The following C1orf21 variants were observed in gnomAD, a reference collection of about 807,000 sequenced individuals.
The protein encoded by C1orf21 is chromosome 1 open reading frame 21.
Under a neutral mutation model 18.7 loss-of-function variants are expected in C1orf21, and 3 were observed. The observed-to-expected ratio is 0.16, with a 90% CI of 0.07 to 0.42. The LOEUF is 0.42. C1orf21 is among the 10% of genes least tolerant of loss of function. The probability of loss-of-function intolerance (pLI) is 0.99; values close to 1 mark genes in which losing one functional copy is unlikely to be tolerated. For synonymous variants in C1orf21, 41 were observed against 46.4 expected (o/e 0.88, Z 0.47); for missense variants, 104 against 143.6 (o/e 0.72, Z 1.41).
rs185281148 is a variant in C1orf21 at position 184,541,371 on chromosome 1, A to G, written c.189+33689A>G. Among the ~76,000 whole-genome samples, 365 of 152,334 alleles carry G rather than the reference A, an allele frequency of 2.4e-3. 3 individuals carry two copies. Among genetic ancestry groups the G allele is most frequent in the African/African-American group, 7.3e-3 (304 of 41,570 alleles). On this transcript the variant is annotated intron_variant, in intron 3 of 5. Coordinates refer to ENST00000235307, the MANE Select transcript of C1orf21 (RefSeq NM_030806.4). ...ATAATGACTTTGAGCACCATCCTCA[A>G]TGATCATACTTTCTTGTCATCATTA...
chr1:184,564,872 A>G (rs922930690), intron 3 of C1orf21, among the ~76,000 whole-genome samples: 1 of 152,208 alleles, frequency 6.6e-6, no homozygotes, highest in Non-Finnish European at 1.5e-5. Flanking sequence ...CACACAGTCC[A>G]GAATTAGAAG....
intron 1 of C1orf21, among the ~76,000 whole-genome samples, chr1:184,464,180 G>A (rs893411394): frequency 2.0e-5 from 3 of 152,188 alleles, no homozygotes; most frequent in African/African-American, 7.2e-5. Flanking sequence ...TATTTATTGA[G>A]CACATGTTCT....
At chr1:184,410,633 A>AATATATATATAT (rs1557964961) in intron 1 of C1orf21, among the ~76,000 whole-genome samples, 37 of 3,212 alleles carry the variant, frequency 0.012, 4 homozygotes, top group African/African-American at 0.038. Context: ...ATATATATAT[A>AATATATATATAT]TATATATATA....
chr1:184,493,603 G>A (rs777542560), intron 2 of C1orf21, among the ~76,000 whole-genome samples: 16 of 152,134 alleles, frequency 1.1e-4, no homozygotes, highest in Non-Finnish European at 2.1e-4. Flanking sequence ...TGTTGATTTT[G>A]ATCTATAACC....
chr1:184,568,490 G>A (rs1362990977), intron 3 of C1orf21: 5 of 467,344 alleles, frequency 1.1e-5, no homozygotes, highest in African/African-American at 2.0e-5. Context: ...GATACTGTGA[G>A]TATTATAAGG....
At chr1:184,420,991 T>C (rs773620937) in intron 1 of C1orf21, among the ~76,000 whole-genome samples, 1 of 152,212 alleles carries the variant, frequency 6.6e-6, no homozygotes, top group African/African-American at 2.4e-5. Flanking sequence ...TCTATGTGAC[T>C]GGGCTGAAAG....
chr1:184,559,533 T>TCCTTCCTTCCTTCCCC (rs1658928355), intron 3 of C1orf21, among the ~76,000 whole-genome samples: 1 of 95,328 alleles, frequency 1.0e-5, no homozygotes, highest in African/African-American at 4.7e-5. Context: ...CTTCCTTCCT[T>TCCTTCCTTCCTTCCCC]CCTTCCTTCC....
At chr1:184,494,548 G>A (rs1023393614) in intron 2 of C1orf21, among the ~76,000 whole-genome samples, 1 of 152,072 alleles carries the variant, frequency 6.6e-6, no homozygotes, top group Non-Finnish European at 1.5e-5. Flanking sequence ...ATGAGATATG[G>A]GCGGGCTTGG....
Position 184,590,808 on chromosome 1 carries a change from A to C in C1orf21, c.259A>C (p.Arg87=). 6.2e-7 allele frequency: 1 copy of C among 1,613,536 alleles called. No homozygotes were observed. Among genetic ancestry groups the C allele is most frequent in the Non-Finnish European group, 8.5e-7 (1 of 1,179,488 alleles). ...KEVPGLVHQP[R]ANMHISESQQ... ...GGTTCCGGGATTAGTTCATCAACCC[A>C]GAGCAAAGTAAGTTCTAGTTTCTGT... The change falls in exon 4 of 6, where the codon AGA becomes CGA. Residue 87 remains arginine, a synonymous_variant. Transcript: ENST00000235307.
intron 3 of C1orf21, among the ~76,000 whole-genome samples, chr1:184,511,305 C>T (rs1162580029): frequency 1.3e-5 from 2 of 152,142 alleles, no homozygotes; most frequent in Non-Finnish European, 2.9e-5. Flanking sequence ...GTCAGATTAT[C>T]TGGGAGACAA....
At chr1:184,559,568 CCCCT>C (rs1262562289) in intron 3 of C1orf21, among the ~76,000 whole-genome samples, 1 of 87,640 alleles carries the variant, frequency 1.1e-5, no homozygotes, top group Non-Finnish European at 2.1e-5. Flanking sequence ...TCTCTTTCTT[CCCCT>C]CCCTCCCTCT....
chr1:184,584,633 G>A (rs941126771), intron 3 of C1orf21, among the ~76,000 whole-genome samples: 2 of 152,158 alleles, frequency 1.3e-5, no homozygotes, highest in Non-Finnish European at 1.5e-5. Context: ...TCATAACATC[G>A]CTATTCATAA....
intron 1 of C1orf21, among the ~76,000 whole-genome samples, chr1:184,425,284 T>G (rs1656616261): frequency 6.6e-6 from 1 of 150,664 alleles, no homozygotes; most frequent in Admixed American, 6.6e-5. Flanking sequence ...TTTTTTTTCC[T>G]TGAGACAAGG....
chr1:184,543,368 G>A (rs1383686998), intron 3 of C1orf21, among the ~76,000 whole-genome samples: 1 of 152,014 alleles, frequency 6.6e-6, no homozygotes, highest in Non-Finnish European at 1.5e-5. Flanking sequence ...ATCTTTCTCT[G>A]ACCATTGTAG....
Position 184,626,299 on chromosome 1 carries a change from CT to C in C1orf21, c.*6745del, listed in dbSNP as rs1285232482. The C allele has an allele frequency of 2.6e-5, 4 of 152,318 alleles. No homozygotes were observed. In the East Asian group the frequency reaches 7.7e-4, roughly 29 times the overall value. The allele number at this position is 152,318 out of a possible 1,614,324, so 9.4% of individuals were successfully genotyped here. On this transcript the variant is annotated 3_prime_UTR_variant, in exon 6 of 6. Coordinates refer to ENST00000235307, the MANE Select transcript of C1orf21 (RefSeq NM_030806.4). ...CCAGCCCAGTTTTGGCAATCAGGGG[CT>C]TCCTGAAAGAGGTGACATCAAAGCC...
chr1:184,476,326 G>A (rs546939817), intron 1 of C1orf21, among the ~76,000 whole-genome samples: 5 of 152,254 alleles, frequency 3.3e-5, no homozygotes, highest in African/African-American at 1.2e-4. Context: ...GAGGCTTGAT[G>A]CCTTCTTTGT....
At chr1:184,472,741 A>G (rs1403462129) in intron 1 of C1orf21, among the ~76,000 whole-genome samples, 1 of 152,188 alleles carries the variant, frequency 6.6e-6, no homozygotes, top group African/African-American at 2.4e-5. Flanking sequence ...ATAAAAGGAC[A>G]AGGTATTTCA....
intron 3 of C1orf21, among the ~76,000 whole-genome samples, chr1:184,559,358 G>C (rs1222827992): frequency 6.6e-6 from 1 of 152,024 alleles, no homozygotes; most frequent in Non-Finnish European, 1.5e-5. Flanking sequence ...AGCTCCCTGA[G>C]GCCTCCCCAG....
At chr1:184,452,192 T>C (rs893540745) in intron 1 of C1orf21, among the ~76,000 whole-genome samples, 2 of 152,220 alleles carry the variant, frequency 1.3e-5, no homozygotes, top group African/African-American at 4.8e-5. Context: ...TATTTATTGT[T>C]TATAAGATAG....
Sources: allele counts gnomAD v4.1 joint callset (sites outside exome capture counted in the v4.1 genomes callset), GRCh38; gene constraint gnomAD v4.1.1; transcripts MANE v1.5; gene names NCBI Gene and HGNC (gene_info 2026-07-23, HGNC 2026-07-21).